The following RUNDC3B variants were observed in gnomAD, a reference collection of about 807,000 sequenced individuals.
RUNDC3B encodes the protein RUN domain-containing protein 3B.
A neutral mutation model predicts 58.4 loss-of-function variants in RUNDC3B; 33 were observed. The observed-to-expected ratio is 0.56, with a 90% confidence interval of 0.43 to 0.75. The LOEUF (loss-of-function observed/expected upper bound fraction) is 0.75, where lower values mean the gene tolerates loss of function less well. Among genes scored for constraint, RUNDC3B ranks in the 30% least tolerant of loss-of-function variants. RUNDC3B has a pLI of 0.00. For synonymous variants in RUNDC3B, 193 were observed against 195.2 expected, an observed-to-expected ratio of 0.99 and a Z score of 0.10; for missense variants, 501 against 535.7, an observed-to-expected ratio of 0.94 and a Z score of 0.64.
intron 10 of RUNDC3B, among the ~76,000 whole-genome samples, chr7:87,818,647 G>A (rs1035572035): frequency 1.3e-5 from 2 of 152,164 alleles, no homozygotes; most frequent in African/African-American, 2.4e-5. Flanking sequence ...TTGCCTGGGA[G>A]TAGAAAAATA....
At chr7:87,635,556 A>G (rs1439973186) in intron 1 of RUNDC3B, among the ~76,000 whole-genome samples, 1 of 152,198 alleles carries the variant, frequency 6.6e-6, no homozygotes, top group Non-Finnish European at 1.5e-5. Context: ...GATATGTAGG[A>G]CATTGTGATA....
At chr7:87,721,353 G>T (rs960936942) in intron 4 of RUNDC3B, among the ~76,000 whole-genome samples, 4 of 152,062 alleles carry the variant, frequency 2.6e-5, no homozygotes, top group Non-Finnish European at 4.4e-5. Context: ...TAACATGTCA[G>T]TTCTCTGAAT....
intron 2 of RUNDC3B, among the ~76,000 whole-genome samples, chr7:87,657,431 C>T (rs1469436202): frequency 2.0e-5 from 3 of 152,186 alleles, no homozygotes; most frequent in African/African-American, 7.2e-5. Context: ...GTACCACCTA[C>T]TCTTAAAAAA....
intron 2 of RUNDC3B, chr7:87,694,159 C>A (rs779909533): frequency 3.9e-5 from 18 of 457,732 alleles, no homozygotes; most frequent in Non-Finnish European, 4.6e-5. Context: ...AAATTAAAAT[C>A]TTGTAAATCC....
At chr7:87,662,299 T>G (rs376709185) in intron 2 of RUNDC3B, among the ~76,000 whole-genome samples, 1 of 152,156 alleles carries the variant, frequency 6.6e-6, no homozygotes. Context: ...CCTGTTCTTA[T>G]GGGGTGTCAG....
At chr7:87,820,308 G>A (rs948452700) in intron 10 of RUNDC3B, among the ~76,000 whole-genome samples, 14 of 152,194 alleles carry the variant, frequency 9.2e-5, no homozygotes, top group South Asian at 4.1e-4. Context: ...TAAATTCCTC[G>A]ACACATACAC....
chr7:87,758,417 A>G (rs1833491333), intron 6 of RUNDC3B, among the ~76,000 whole-genome samples: 1 of 152,206 alleles, frequency 6.6e-6, no homozygotes, highest in Non-Finnish European at 1.5e-5. Flanking sequence ...TGGCCTGAGC[A>G]AAGATTTCCT....
At chr7:87,811,511 A>AT (rs1836714345) in intron 9 of RUNDC3B, among the ~76,000 whole-genome samples, 1 of 151,372 alleles carries the variant, frequency 6.6e-6, no homozygotes, top group Non-Finnish European at 1.5e-5. Context: ...TTTTTTTTGT[A>AT]TTTTTTAGTA....
chr7:87,670,443 ACCTAT>A (rs1825707874), intron 2 of RUNDC3B, among the ~76,000 whole-genome samples: 1 of 152,108 alleles, frequency 6.6e-6, no homozygotes, highest in African/African-American at 2.4e-5. Context: ...TGATCTTTGT[ACCTAT>A]CCATAGTCTG....
chr7:87,703,617 C>T (rs1221820120), intron 3 of RUNDC3B, among the ~76,000 whole-genome samples: 2 of 151,932 alleles, frequency 1.3e-5, no homozygotes, highest in Non-Finnish European at 1.5e-5. Flanking sequence ...CTCTGTCTCA[C>T]GTATTTAAGC....
chr7:87,722,329 T>C (rs1357000773), intron 4 of RUNDC3B, among the ~76,000 whole-genome samples: 1 of 152,126 alleles, frequency 6.6e-6, no homozygotes, highest in Non-Finnish European at 1.5e-5. Context: ...ACTGAAATTT[T>C]GTACCTTTGA....
chr7:87,830,156 G>A lies in RUNDC3B; in HGVS notation c.*126G>A. The A allele has an allele frequency of 2.2e-6, 1 of 446,468 alleles. No individual in the cohort carries two copies. Among genetic ancestry groups the A allele is most frequent in the East Asian group, 3.5e-5 (1 of 28,580 alleles). The allele number at this position is 446,468 out of a possible 1,614,324, so 27.7% of individuals were successfully genotyped here. On this transcript the variant is annotated 3_prime_UTR_variant, in exon 11 of 11. Coordinates refer to ENST00000394654, the MANE Select transcript of RUNDC3B (RefSeq NM_001134405.2). ...TGTCTGAAATTCTATTGCTTGGAGA[G>A]AATCCCCTCCAGATAAGAGATTTTG...
chr7:87,821,134 G>A (rs1275333745), intron 10 of RUNDC3B, among the ~76,000 whole-genome samples: 1 of 151,492 alleles, frequency 6.6e-6, no homozygotes, highest in African/African-American at 2.4e-5. Context: ...TGTATATCTA[G>A]AAAACCCCAT....
At chr7:87,721,773 T>C (rs986657987) in intron 4 of RUNDC3B, among the ~76,000 whole-genome samples, 19 of 148,786 alleles carry the variant, frequency 1.3e-4, no homozygotes, top group African/African-American at 2.7e-4. Flanking sequence ...AACATTCTCT[T>C]TCTCTCTCTC....
chr7:87,718,202 T>C (rs1422199783), intron 4 of RUNDC3B, among the ~76,000 whole-genome samples: 1 of 152,158 alleles, frequency 6.6e-6, no homozygotes, highest in Non-Finnish European at 1.5e-5. Flanking sequence ...TGAAAGTTTC[T>C]AGGAGTCCTT....
At chr7:87,669,506 C>T (rs1475879374) in intron 2 of RUNDC3B, among the ~76,000 whole-genome samples, 6 of 152,172 alleles carry the variant, frequency 3.9e-5, no homozygotes, top group East Asian at 1.9e-4. Context: ...TGGATTTGAT[C>T]CTGTCTTTGT....
chr7:87,800,854 G>T (rs1009402460), intron 8 of RUNDC3B, among the ~76,000 whole-genome samples: 4 of 151,960 alleles, frequency 2.6e-5, no homozygotes, highest in African/African-American at 7.2e-5. Context: ...TCACTGTGTT[G>T]TCCAGGCTGG....
At chr7:87,636,291 A>G (rs972045606) in intron 1 of RUNDC3B, among the ~76,000 whole-genome samples, 2 of 152,150 alleles carry the variant, frequency 1.3e-5, no homozygotes, top group Non-Finnish European at 2.9e-5. Flanking sequence ...GGGGTGTCAC[A>G]TGGTGGTTTT....
At chr7:87,632,187 C>A (rs1821291283) in intron 1 of RUNDC3B, among the ~76,000 whole-genome samples, 1 of 150,776 alleles carries the variant, frequency 6.6e-6, no homozygotes, top group Admixed American at 6.6e-5. Flanking sequence ...TTTTTCCTTA[C>A]CCCTTAAACA....
Sources: allele counts gnomAD v4.1 joint callset (sites outside exome capture counted in the v4.1 genomes callset), GRCh38; gene constraint gnomAD v4.1.1; transcripts MANE v1.5; gene names NCBI Gene and HGNC (gene_info 2026-07-23, HGNC 2026-07-21).